ASAP1: variants seen among roughly 807,000 people sequenced by gnomAD.
ASAP1 encodes ArfGAP with SH3 domain, ankyrin repeat and PH domain 1.
In ASAP1, 43 loss-of-function variants were observed where a neutral mutation model predicts 145.2. The ratio of observed to expected loss-of-function variants is 0.30; its 90% CI spans 0.23 to 0.38. ASAP1 has a LOEUF of 0.38. ASAP1 is among the 10% of genes least tolerant of loss of function. The probability of loss-of-function intolerance (pLI) is 1.00; values close to 1 mark genes in which losing one functional copy is unlikely to be tolerated. For synonymous variants in ASAP1, 546 were observed against 515.5 expected (o/e 1.06, Z -0.80); for missense variants, 1,018 against 1,355.3 (o/e 0.75, Z 3.91).
chr8:130,396,107 A>G (rs1231732150), intron 2 of ASAP1, among the ~76,000 whole-genome samples: 1 of 152,238 alleles, frequency 6.6e-6, no homozygotes, highest in Admixed American at 6.5e-5. Context: ...CAGCTTGCAC[A>G]GACCCTGGCA....
intron 3 of ASAP1, among the ~76,000 whole-genome samples, chr8:130,345,303 T>A (rs1825641511): frequency 6.6e-6 from 1 of 152,214 alleles, no homozygotes; most frequent in South Asian, 2.1e-4. Context: ...AATTCTCTCA[T>A]TAATCCCTTT....
At chr8:130,289,850 C>A (rs1821843900) in intron 3 of ASAP1, among the ~76,000 whole-genome samples, 1 of 151,906 alleles carries the variant, frequency 6.6e-6, no homozygotes, top group Admixed American at 6.6e-5. Context: ...GTGTAGAACT[C>A]CATTATCAGA....
intron 1 of ASAP1, among the ~76,000 whole-genome samples, chr8:130,425,985 T>C (rs1232127435): frequency 6.6e-6 from 1 of 152,196 alleles, no homozygotes; most frequent in East Asian, 1.9e-4. Flanking sequence ...GCATTAAGCA[T>C]TTGCAGACAG....
At chr8:130,144,286 G>C (rs192737944) in intron 13 of ASAP1, among the ~76,000 whole-genome samples, 10 of 152,208 alleles carry the variant, frequency 6.6e-5, no homozygotes, top group Non-Finnish European at 1.5e-5. Context: ...ACAGATAAAA[G>C]GTAACAATTT....
chr8:130,127,221 CTTTT>C (rs984788439), intron 16 of ASAP1, among the ~76,000 whole-genome samples: 1 of 151,980 alleles, frequency 6.6e-6, no homozygotes, highest in Non-Finnish European at 1.5e-5. Flanking sequence ...TGCACCATTT[CTTTT>C]TTCTTTTTTT....
At chr8:130,277,632 A>T (rs1820992756) in intron 3 of ASAP1, among the ~76,000 whole-genome samples, 1 of 152,258 alleles carries the variant, frequency 6.6e-6, no homozygotes, top group Non-Finnish European at 1.5e-5. Flanking sequence ...GGCACCAAGA[A>T]GTCTAAAGAG....
At chr8:130,376,729 T>C (rs1827513574) in intron 2 of ASAP1, among the ~76,000 whole-genome samples, 1 of 150,654 alleles carries the variant, frequency 6.6e-6, no homozygotes, top group Non-Finnish European at 1.5e-5. Context: ...TGTCTCAAAA[T>C]AAATAAATAA....
chr8:130,090,225 A>C (rs2097502686), intron 25 of ASAP1, among the ~76,000 whole-genome samples: 2 of 152,236 alleles, frequency 1.3e-5, no homozygotes, highest in South Asian at 4.1e-4. Flanking sequence ...GGAATGTTCG[A>C]GTCTATACAA....
intron 27 of ASAP1, among the ~76,000 whole-genome samples, chr8:130,063,927 G>A (rs921310511): frequency 2.0e-5 from 3 of 152,166 alleles, no homozygotes; most frequent in Non-Finnish European, 4.4e-5. Flanking sequence ...CAGAGGGTGA[G>A]GGCAGGTAAG....
intron 13 of ASAP1, among the ~76,000 whole-genome samples, chr8:130,141,615 A>G (rs1408234746): frequency 6.6e-6 from 1 of 152,192 alleles, no homozygotes; most frequent in African/African-American, 2.4e-5. Context: ...TAGCAAGATC[A>G]TGGCTCATGG....
At chr8:130,120,257 G>A (rs1046183965) in intron 18 of ASAP1, among the ~76,000 whole-genome samples, 3 of 152,246 alleles carry the variant, frequency 2.0e-5, no homozygotes, top group Non-Finnish European at 4.4e-5. Flanking sequence ...CCTGGCTTCT[G>A]AGGCCTCTGC....
intron 5 of ASAP1, among the ~76,000 whole-genome samples, chr8:130,208,432 C>T (rs943332888): frequency 2.0e-5 from 3 of 152,158 alleles, no homozygotes; most frequent in Admixed American, 6.5e-5. Context: ...CTTTCCTAAC[C>T]GCTGGTAACT....
At chr8:130,425,689 T>C (rs1016005146) in intron 1 of ASAP1, among the ~76,000 whole-genome samples, 5 of 152,202 alleles carry the variant, frequency 3.3e-5, no homozygotes, top group African/African-American at 9.7e-5. Context: ...GATCAGAGAA[T>C]GACAGGCTAA....
intron 1 of ASAP1, among the ~76,000 whole-genome samples, chr8:130,435,978 T>C (rs1443840258): frequency 6.6e-6 from 1 of 152,172 alleles, no homozygotes; most frequent in Non-Finnish European, 1.5e-5. Flanking sequence ...ACATCTCTGC[T>C]ACCCAAGATA....
At position 130,335,755 on chromosome 8, in the gene ASAP1, T is replaced by G. The variant is rs558955594; in HGVS notation, c.186+22262A>C. ...ACTGGGCTCTTTGGTCAGGGAGAGA[T>G]AGTCTGAGGTTAAGAAAATGTAGCT... On this transcript the variant is annotated intron_variant, in intron 3 of 29. Coordinates refer to ENST00000518721, the MANE Select transcript of ASAP1 (RefSeq NM_018482.4). 8.4e-4 allele frequency among the ~76,000 whole-genome samples: 128 copies of G among 152,258 alleles called. 2 individuals are homozygous for G. In the South Asian group the frequency reaches 0.023, roughly 28 times the overall value.
intron 4 of ASAP1, among the ~76,000 whole-genome samples, chr8:130,219,408 A>G (rs1473418585): frequency 6.6e-6 from 1 of 152,180 alleles, no homozygotes; most frequent in Non-Finnish European, 1.5e-5. Flanking sequence ...CACACTGCAG[A>G]GTACAGTAAG....
chr8:130,357,696 G>A (rs1371590991), intron 3 of ASAP1, among the ~76,000 whole-genome samples: 1 of 152,248 alleles, frequency 6.6e-6, no homozygotes, highest in Non-Finnish European at 1.5e-5. Flanking sequence ...AGGGTTACAG[G>A]AGGGTCACGA....
At chr8:130,357,207 C>T (rs1000928841) in intron 3 of ASAP1, among the ~76,000 whole-genome samples, 1 of 152,044 alleles carries the variant, frequency 6.6e-6, no homozygotes, top group African/African-American at 2.4e-5. Context: ...CTGCCCCCCA[C>T]CCCCCACCAG....
rs1402903951 is a variant in ASAP1, at chr8:130,349,842, CATTT to C, written c.186+8171_186+8174del. 2.0e-5 allele frequency among the ~76,000 whole-genome samples: 3 copies of C among 152,196 alleles called. No homozygotes were observed. In the East Asian group the frequency reaches 5.8e-4, roughly 29 times the overall value. ...TCCTTTAATACTCAAAAAGCAATGT[CATTT>C]ATTTATCAAATGGGGAAACAGAGGC... On this transcript the variant is annotated intron_variant, in intron 3 of 29. Coordinates refer to ENST00000518721, the MANE Select transcript of ASAP1 (RefSeq NM_018482.4).
Sources: allele counts gnomAD v4.1 joint callset (sites outside exome capture counted in the v4.1 genomes callset), GRCh38; gene constraint gnomAD v4.1.1; transcripts MANE v1.5; gene names NCBI Gene and HGNC (gene_info 2026-07-23, HGNC 2026-07-21).